Variants in CARMIL1 observed in about 807,000 individuals in gnomAD.
The protein encoded by CARMIL1 is capping protein regulator and myosin 1 linker 1.
Under a neutral mutation model 177.1 loss-of-function variants are expected in CARMIL1, and 90 were observed. The ratio of observed to expected loss-of-function variants is 0.51; its 90% CI spans 0.43 to 0.61. The LOEUF is 0.61. Among genes scored for constraint, CARMIL1 ranks in the 20% least tolerant of loss-of-function variants. The pLI, the probability that CARMIL1 is intolerant of heterozygous loss-of-function variation, is 0.00. For missense variants in CARMIL1, 1,380 were observed against 1,667.0 expected, an observed-to-expected ratio of 0.83 and a Z score of 3.00; for synonymous variants, 577 against 606.2, an observed-to-expected ratio of 0.95 and a Z score of 0.71.
At chr6:25,387,467 G>A (rs1792299976) in intron 2 of CARMIL1, among the ~76,000 whole-genome samples, 2 of 152,188 alleles carry the variant, frequency 1.3e-5, no homozygotes. Context: ...AACATAAGTT[G>A]TTCTGAATTT....
intron 27 of CARMIL1, among the ~76,000 whole-genome samples, chr6:25,552,527 C>T (rs1391523680): frequency 6.6e-6 from 1 of 152,064 alleles, no homozygotes; most frequent in East Asian, 1.9e-4. Flanking sequence ...CCTACACATG[C>T]ATGTATGTAT....
In CARMIL1 at chr6:25,554,105, T is replaced by C. The variant is rs139900430; in HGVS notation, c.2592+9T>C. Reference sequence around the variant, plus strand: ...ATTGCCATCATAAACTGGTGAGTGCTGTGCACATCTTGAGCAGGACCTCCT... The same window carrying C: ...ATTGCCATCATAAACTGGTGAGTGCCGTGCACATCTTGAGCAGGACCTCCT... On this transcript the variant is annotated intron_variant, in intron 28 of 36. Coordinates refer to ENST00000329474, the MANE Select transcript of CARMIL1 (RefSeq NM_017640.6). The surrounding 1 kb of genome is among the most constrained non-coding windows in gnomAD (Gnocchi z 4.6). 1.3e-6 allele frequency: 2 copies of C among 1,573,114 alleles called. No homozygotes were observed. Among genetic ancestry groups the C allele is most frequent in the Non-Finnish European group, 1.7e-6 (2 of 1,155,042 alleles).
At position 25,387,148 on chromosome 6, in the gene CARMIL1, A is replaced by G. The variant is rs983111025; in HGVS notation, c.139-32966A>G. Among the ~76,000 whole-genome samples, 4 of 151,404 alleles carry G rather than the reference A, an allele frequency of 2.6e-5. No homozygotes were observed. In the East Asian group the frequency reaches 5.8e-4, roughly 22 times the overall value. Reference sequence around the variant, plus strand: ...AAAAAAAAAAATCACAACAGACTAGATAACACTCTATGATGTCACCTTTTA... The same window carrying G: ...AAAAAAAAAAATCACAACAGACTAGGTAACACTCTATGATGTCACCTTTTA... On this transcript the variant is annotated intron_variant, in intron 2 of 36. Coordinates refer to ENST00000329474, the MANE Select transcript of CARMIL1 (RefSeq NM_017640.6).
At chr6:25,585,796 T>G (rs962575984) in intron 31 of CARMIL1, among the ~76,000 whole-genome samples, 13 of 151,618 alleles carry the variant, frequency 8.6e-5, no homozygotes, top group Admixed American at 8.5e-4. Context: ...AAAGCACATC[T>G]TGCACCGCCC....
chr6:25,563,711 T>G (rs1582377382), intron 29 of CARMIL1: 3 of 985,198 alleles, frequency 3.0e-6, no homozygotes, highest in Non-Finnish European at 3.6e-6. Flanking sequence ...GAATGGAAGG[T>G]GAAAGAACCA....
At chr6:25,412,398 A>G (rs1794980552) in intron 2 of CARMIL1, among the ~76,000 whole-genome samples, 1 of 152,220 alleles carries the variant, frequency 6.6e-6, no homozygotes, top group African/African-American at 2.4e-5. Flanking sequence ...CCTGGGAAAC[A>G]TGGCAATACC....
At chr6:25,536,558 A>G (rs922428504) in intron 24 of CARMIL1, among the ~76,000 whole-genome samples, 9 of 152,118 alleles carry the variant, frequency 5.9e-5, no homozygotes, top group African/African-American at 1.9e-4. Flanking sequence ...TTTTTCAACA[A>G]TAGGTGCTTG....
chr6:25,465,767 A>C, intron 8 of CARMIL1, 106 bp from the exon 9 acceptor site: 1 of 738,528 alleles, frequency 1.4e-6, no homozygotes, highest in South Asian at 1.6e-5. Flanking sequence ...TGTGTTTCTG[A>C]ATAATAGAAA....
At position 25,317,164 on chromosome 6, in the gene CARMIL1, T is replaced by C. The variant is rs144182250; in HGVS notation, c.138+32255T>C. ...AAATGCTTTCTTTCTTTTTTTGGGA[T>C]GGGGTCTCAGTCTGTTGCCCAGGCT... On this transcript the variant is annotated intron_variant, in intron 2 of 36. Transcript: ENST00000329474. Among the ~76,000 whole-genome samples the C allele has an allele frequency of 2.4e-4, 37 of 152,214 alleles. No individual in the cohort carries two copies. The East Asian group carries it at 5.2e-3, about 21-fold the overall frequency.
chr6:25,610,959 G>A (rs768936617), intron 36 of CARMIL1, among the ~76,000 whole-genome samples: 5 of 152,012 alleles, frequency 3.3e-5, no homozygotes, highest in Non-Finnish European at 4.4e-5. Flanking sequence ...CACACAAGTC[G>A]TCTACACCCA....
intron 25 of CARMIL1, 78 bp from the exon 26 acceptor site, chr6:25,539,869 C>T: frequency 2.6e-6 from 3 of 1,135,986 alleles, no homozygotes; most frequent in Non-Finnish European, 3.6e-6. Flanking sequence ...TTCCTTCACC[C>T]TTCTCATTCA....
intron 9 of CARMIL1, among the ~76,000 whole-genome samples, chr6:25,470,258 A>C (rs1046375672): frequency 2.0e-5 from 3 of 152,212 alleles, no homozygotes; most frequent in East Asian, 1.9e-4. Flanking sequence ...CCTTCCTATT[A>C]AGTTTATGAC....
rs543060719 is a variant in CARMIL1, at chr6:25,287,741, G to T, written c.138+2832G>T. 1.2e-3 allele frequency among the ~76,000 whole-genome samples: 181 copies of T among 152,318 alleles called. 1 individual carries two copies. Among genetic ancestry groups the T allele is most frequent in the Admixed American group, 4.5e-3 (69 of 15,310 alleles). ...CATTTGGCTAGTTAATAACAGCTGGGATTCGAACCCAGCTCTGCCTCACTC... is the reference window on the plus strand; with the variant it reads ...CATTTGGCTAGTTAATAACAGCTGGTATTCGAACCCAGCTCTGCCTCACTC... On this transcript the variant is annotated intron_variant, in intron 2 of 36. Coordinates refer to ENST00000329474, the MANE Select transcript of CARMIL1 (RefSeq NM_017640.6).
intron 13 of CARMIL1, among the ~76,000 whole-genome samples, chr6:25,490,116 G>C (rs1252981159): frequency 6.6e-6 from 1 of 152,160 alleles, no homozygotes; most frequent in African/African-American, 2.4e-5. Flanking sequence ...AGTGGGCGGG[G>C]AAGGCAAAAG....
chr6:25,312,669 G>T (rs971100962), intron 2 of CARMIL1, among the ~76,000 whole-genome samples: 10 of 151,096 alleles, frequency 6.6e-5, no homozygotes, highest in Non-Finnish European at 1.3e-4. Context: ...AGTTTATATT[G>T]TTTTATTCCT....
At chr6:25,571,208 C>G (rs866884352) in intron 29 of CARMIL1, among the ~76,000 whole-genome samples, 4 of 151,916 alleles carry the variant, frequency 2.6e-5, no homozygotes, top group Non-Finnish European at 2.9e-5. Flanking sequence ...ATGATTAGCT[C>G]TAAATTCAAT....
rs573913024 is a variant in CARMIL1, at chr6:25,515,969, A to G, written c.1805+122A>G. 1 of 923,986 alleles carries G rather than the reference A, an allele frequency of 1.1e-6. No homozygotes were observed. The highest frequency in any genetic ancestry group is 2.1e-5 in the South Asian group (1 of 46,956). 57.2% of individuals were successfully genotyped at this position (923,986 alleles called of 1,614,324 possible). On this transcript the variant is annotated intron_variant, in intron 21 of 36. Coordinates refer to ENST00000329474, the MANE Select transcript of CARMIL1 (RefSeq NM_017640.6). This position sits in a 1 kb window ranked among gnomAD's most constrained non-coding sequence, Gnocchi z 5.0. ...TTCCCATGAGGCCATCTTGAGGAGA[A>G]GAGGTGACAATGTCAAGATTTCTGT...
chr6:25,510,417 C>A, intron 18 of CARMIL1, 90 bp from the exon 19 acceptor site: 1 of 733,468 alleles, frequency 1.4e-6, no homozygotes, highest in Non-Finnish European at 2.2e-6. Flanking sequence ...AGTCATCCAA[C>A]TATATGTCAC....
At chr6:25,375,286 T>C (rs1790861788) in intron 2 of CARMIL1, among the ~76,000 whole-genome samples, 1 of 152,348 alleles carries the variant, frequency 6.6e-6, no homozygotes. Context: ...CTGACAGTTA[T>C]TCTGTTTGAA....
Sources: gnomAD v4.1 joint callset for allele counts (sites outside exome capture counted in the v4.1 genomes callset) on GRCh38, gnomAD v4.1.1 for gene constraint, Gnocchi (gnomAD v3.1) non-coding constraint, MANE v1.5 for transcripts, NCBI Gene and HGNC (gene_info 2026-07-23, HGNC 2026-07-21) for gene names.